CTNNBIP1: variants seen among roughly 807,000 people sequenced by gnomAD.
CTNNBIP1 encodes catenin beta interacting protein 1, also known as beta-catenin-interacting protein 1.
CTNNBIP1 carries 7 observed loss-of-function variants against 11.8 expected under a neutral mutation model. That is an observed-to-expected ratio of 0.60 (90% CI 0.34 to 1.12). The LOEUF (loss-of-function observed/expected upper bound fraction) is 1.12. CTNNBIP1 is among the 50% of genes most tolerant of loss of function. The pLI is 0.03. For synonymous variants in CTNNBIP1, 58 were observed against 43.9 expected, an observed-to-expected ratio of 1.32 and a Z score of -1.26; for missense variants, 101 against 113.4, an observed-to-expected ratio of 0.89 and a Z score of 0.50.
intron 1 of CTNNBIP1, among the ~76,000 whole-genome samples, chr1:9,908,370 CTTTTTTT>C (rs35640583): frequency 2.8e-5 from 2 of 72,466 alleles, no homozygotes; most frequent in Non-Finnish European, 5.6e-5. Flanking sequence ...TCCACAGATT[CTTTTTTT>C]TTTTTTTTTT....
At chr1:9,858,534 G>A (rs1425106366) in intron 5 of CTNNBIP1, among the ~76,000 whole-genome samples, 2 of 152,164 alleles carry the variant, frequency 1.3e-5, no homozygotes, top group Non-Finnish European at 2.9e-5. Flanking sequence ...TTGCCTTGAT[G>A]TTCTTCTCCA....
intron 5 of CTNNBIP1, among the ~76,000 whole-genome samples, chr1:9,865,620 C>A (rs1638728514): frequency 6.6e-6 from 1 of 151,172 alleles, no homozygotes; most frequent in Non-Finnish European, 1.5e-5. Flanking sequence ...CAAAACAAAA[C>A]AAAAAAACAA....
At chr1:9,892,479 G>C (rs946521257) in intron 1 of CTNNBIP1, among the ~76,000 whole-genome samples, 1 of 149,728 alleles carries the variant, frequency 6.7e-6, no homozygotes, top group African/African-American at 2.5e-5. Context: ...TGTAGGCCCA[G>C]TTACTTGGGA....
At chr1:9,890,231 T>C (rs554746204) in intron 1 of CTNNBIP1, among the ~76,000 whole-genome samples, 42 of 152,248 alleles carry the variant, frequency 2.8e-4, no homozygotes, top group Non-Finnish European at 3.8e-4. Flanking sequence ...GAAATTCAGC[T>C]GAAAACAATG....
At position 9,910,167 on chromosome 1, in the gene CTNNBIP1, G is replaced by A. The variant is rs1021474189; in HGVS notation, c.-216C>T. On this transcript the variant is annotated 5_prime_UTR_variant, in exon 1 of 6. Transcript: ENST00000377263. ...CGCAGCGCGCGGCGGCCTGTTCCGGGGCGTGCTCAGCCCGAGCAGCCGCTG... is the reference window on the plus strand; with the variant it reads ...CGCAGCGCGCGGCGGCCTGTTCCGGAGCGTGCTCAGCCCGAGCAGCCGCTG... 2 of 147,242 alleles carry A rather than the reference G, an allele frequency of 1.4e-5. No individual in the cohort carries two copies. The highest frequency in any genetic ancestry group is 6.7e-5 in the Admixed American group (1 of 14,816). 9.1% of individuals were successfully genotyped at this position (147,242 alleles called of 1,614,324 possible).
chr1:9,859,068 A>AC (rs2101445781), intron 5 of CTNNBIP1, among the ~76,000 whole-genome samples: 1 of 152,228 alleles, frequency 6.6e-6, no homozygotes, highest in African/African-American at 2.4e-5. Context: ...TCAACATGGA[A>AC]CCCAGAGTGC....
At chr1:9,878,989 C>A (rs918819262) in intron 2 of CTNNBIP1, among the ~76,000 whole-genome samples, 3 of 152,066 alleles carry the variant, frequency 2.0e-5, no homozygotes, top group Non-Finnish European at 4.4e-5. Flanking sequence ...CAAGGTCAGG[C>A]GTTCGAGACC....
chr1:9,883,672 C>A lies in CTNNBIP1; in HGVS notation c.-110+33G>T. On this transcript the variant is annotated intron_variant, in intron 2 of 5. Transcript: ENST00000377263. This position sits in a 1 kb window ranked among gnomAD's most constrained non-coding sequence, Gnocchi z 5.6. ...CTCTGCCTAGAAACCCTTTCCCTCC[C>A]TCCTCATGGTCCTCCTGGAACTCAG... 1 of 153,500 alleles carries A rather than the reference C, an allele frequency of 6.5e-6. No individual in the cohort carries two copies. The allele number at this position is 153,500 out of a possible 1,614,324, so 9.5% of individuals were successfully genotyped here. A position where few individuals can be genotyped will look rare whatever the true frequency, so the allele number is the denominator to read the frequency against.
chr1:9,861,564 G>A (rs1012290030), intron 5 of CTNNBIP1, among the ~76,000 whole-genome samples: 7 of 152,196 alleles, frequency 4.6e-5, no homozygotes, highest in South Asian at 2.1e-4. Context: ...GCTCAGGGGC[G>A]CCTCCTGGGC....
chr1:9,859,660 A>G (rs1009471689), intron 5 of CTNNBIP1, among the ~76,000 whole-genome samples: 1 of 152,220 alleles, frequency 6.6e-6, no homozygotes, highest in Admixed American at 6.5e-5. Context: ...GCAGGCTGCT[A>G]TTGGCCCTGC....
chr1:9,885,166 G>A (rs1364426958), intron 1 of CTNNBIP1, among the ~76,000 whole-genome samples: 2 of 152,156 alleles, frequency 1.3e-5, no homozygotes, highest in African/African-American at 2.4e-5. Context: ...CTGGGGACTC[G>A]TGGCACAGGC....
rs1026441656 is a variant in CTNNBIP1 at position 9,871,823 on chromosome 1, C to A, written c.96+146G>T. ...TAGGGGGCCAGAAGCAGCCCTAGAG[C>A]CAAGCCACAGGCCCAGCGGCCCCTC... On this transcript the variant is annotated intron_variant, in intron 4 of 5. Transcript: ENST00000377263. The surrounding 1 kb of genome is among the most constrained non-coding windows in gnomAD (Gnocchi z 5.2). The A allele has an allele frequency of 7.4e-6, 5 of 674,714 alleles. No homozygotes were observed. Among genetic ancestry groups the A allele is most frequent in the African/African-American group, 7.1e-5 (4 of 56,196 alleles). 41.8% of individuals were successfully genotyped at this position (674,714 alleles called of 1,614,324 possible). A position where few individuals can be genotyped will look rare whatever the true frequency, so the allele number is the denominator to read the frequency against.
chr1:9,854,172 C>T (rs961276485), intron 5 of CTNNBIP1, among the ~76,000 whole-genome samples: 17 of 152,120 alleles, frequency 1.1e-4, no homozygotes, highest in African/African-American at 4.1e-4. Context: ...GTCAGGAGTT[C>T]GAGACCAGCC....
At chr1:9,853,691 T>C (rs1294715610) in intron 5 of CTNNBIP1, among the ~76,000 whole-genome samples, 1 of 152,236 alleles carries the variant, frequency 6.6e-6, no homozygotes, top group African/African-American at 2.4e-5. Flanking sequence ...CTGTTGACAC[T>C]GTCTGAACTT....
chr1:9,887,894 A>G (rs1272658218), intron 1 of CTNNBIP1, among the ~76,000 whole-genome samples: 1 of 150,088 alleles, frequency 6.7e-6, no homozygotes, highest in Admixed American at 6.6e-5. Flanking sequence ...GTGCGATCTC[A>G]GCTCACTGCA....
Position 9,872,349 on chromosome 1 carries a change from C to T in CTNNBIP1, c.-24-261G>A, listed in dbSNP as rs1345704597. Among the ~76,000 whole-genome samples the T allele has an allele frequency of 6.6e-6, 1 of 152,238 alleles. No individual in the cohort carries two copies. Among genetic ancestry groups the T allele is most frequent in the Non-Finnish European group, 1.5e-5 (1 of 68,040 alleles). ...GCTGCCTCTGTGCATGAAGCTGCTG[C>T]GTCCAGGAAAACTGAGATGACCTGG... On this transcript the variant is annotated intron_variant, in intron 3 of 5. Transcript: ENST00000377263. The surrounding 1 kb of genome is among the most constrained non-coding windows in gnomAD (Gnocchi z 4.0).
intron 1 of CTNNBIP1, among the ~76,000 whole-genome samples, chr1:9,891,781 A>ATT (rs70998316): frequency 0.021 from 1,729 of 81,468 alleles, 91 homozygotes; most frequent in Non-Finnish European, 0.03. Flanking sequence ...ATCTCTTTAA[A>ATT]TTTTTTTTTT....
rs977620617 is a variant in CTNNBIP1 at position 9,871,457 on chromosome 1, A to G, written c.97-180T>C. Among the ~76,000 whole-genome samples the G allele has an allele frequency of 2.0e-5, 3 of 150,544 alleles. No homozygotes were observed. Among genetic ancestry groups the G allele is most frequent in the Non-Finnish European group, 4.4e-5 (3 of 67,586 alleles). ...AGCCCACCCCACTCCCACCCTCCTT[A>G]AACTTGGTCCAGGGGTCCAAAGCCT... is the stretch of plus-strand genomic sequence containing the variant. On this transcript the variant is annotated intron_variant, in intron 4 of 5. Transcript: ENST00000377263. This position sits in a 1 kb window ranked among gnomAD's most constrained non-coding sequence, Gnocchi z 5.2.
intron 1 of CTNNBIP1, among the ~76,000 whole-genome samples, chr1:9,885,769 C>A (rs1209847399): frequency 6.6e-6 from 1 of 151,944 alleles, no homozygotes; most frequent in East Asian, 1.9e-4. Context: ...CATGGAGAAA[C>A]CCTGTCTCTA....
Sources: allele counts gnomAD v4.1 joint callset (sites outside exome capture counted in the v4.1 genomes callset), GRCh38; gene constraint gnomAD v4.1.1; non-coding constraint Gnocchi (gnomAD v3.1); transcripts MANE v1.5; gene names NCBI Gene and HGNC (gene_info 2026-07-23, HGNC 2026-07-21).